PDE3A: variants seen among roughly 807,000 people sequenced by gnomAD.
PDE3A encodes the protein cGMP-inhibited 3',5'-cyclic phosphodiesterase 3A.
In PDE3A, 43 loss-of-function variants were observed where a neutral mutation model predicts 98.3. The ratio of observed to expected loss-of-function variants is 0.44; its 90% confidence interval spans 0.34 to 0.56. The LOEUF is 0.56. Ranked by LOEUF, PDE3A falls within the 20% of genes least tolerant of loss-of-function variation. PDE3A has a pLI of 0.01. For synonymous variants in PDE3A, 663 were observed against 567.9 expected (o/e 1.17, Z -2.38); for missense variants, 1,427 against 1,440.7 (o/e 0.99, Z 0.15).
At position 20,673,705 on chromosome 12, in the gene PDE3A, G is replaced by A. The variant is rs370851389; in HGVS notation, c.3185-6325G>A. On this transcript the variant is annotated intron_variant, in intron 15 of 15. Transcript: ENST00000359062. The stretch of plus-strand genomic sequence containing the variant: ...TCACACTGGGGACTGTTGTGGGGTG[G>A]GGGGAGGGGGGAGGGATAGCATTGG... Among the ~76,000 whole-genome samples the A allele has an allele frequency of 2.3e-4, 28 of 122,150 alleles. No homozygotes were observed. In the East Asian group the frequency reaches 2.8e-3, roughly 12 times the overall value. The allele number at this position is 122,150 out of a possible 152,430, so 80.1% of individuals were successfully genotyped here.
At chr12:20,444,092 T>A (rs1944913581) in intron 1 of PDE3A, among the ~76,000 whole-genome samples, 1 of 152,190 alleles carries the variant, frequency 6.6e-6, no homozygotes, top group African/African-American at 2.4e-5. Flanking sequence ...CATAGTAGTG[T>A]GGCACATGTA....
rs778795840 is a variant in PDE3A at position 20,637,084 on chromosome 12, A to G, written c.2002-16A>G. On this transcript the variant is annotated splice_polypyrimidine_tract_variant and intron_variant, in intron 8 of 15. Transcript: ENST00000359062. ...AACTGCATGCTGTTTAAGTATTTTA[A>G]TGTTAAACATTACAGGACAAACCAA... The G allele has an allele frequency of 1.3e-6, 2 of 1,554,282 alleles. No individual in the cohort carries two copies. The highest frequency in any genetic ancestry group is 1.2e-5 in the South Asian group (1 of 80,884).
chr12:20,589,868 T>TAAAA (rs11362815), intron 2 of PDE3A, among the ~76,000 whole-genome samples: 1 of 112,400 alleles, frequency 8.9e-6, no homozygotes, highest in African/African-American at 3.4e-5. Flanking sequence ...GACTGCATCT[T>TAAAA]AAAAAAAAAA....
chr12:20,549,063 C>T (rs1942131535), intron 1 of PDE3A, among the ~76,000 whole-genome samples: 1 of 151,882 alleles, frequency 6.6e-6, no homozygotes, highest in African/African-American at 2.4e-5. Context: ...GGAGTACTTA[C>T]CAGTAGCTAA....
intron 5 of PDE3A, 140 bp downstream of exon 5, chr12:20,621,551 T>C: frequency 1.7e-6 from 1 of 571,496 alleles, no homozygotes; most frequent in Admixed American, 3.3e-5. Flanking sequence ...CAATTAGTTA[T>C]TTTTTAGAAG....
intron 2 of PDE3A, among the ~76,000 whole-genome samples, chr12:20,612,235 G>A (rs942654050): frequency 8.0e-5 from 7 of 87,354 alleles, no homozygotes; most frequent in Admixed American, 4.7e-4. Context: ...TAATTATAGT[G>A]GACATAAGTG....
intron 1 of PDE3A, among the ~76,000 whole-genome samples, chr12:20,475,405 C>T (rs1360621737): frequency 6.6e-6 from 1 of 151,970 alleles, no homozygotes; most frequent in East Asian, 1.9e-4. Flanking sequence ...TTTTTACAAC[C>T]CCTTCGCCTA....
chr12:20,401,720 A>G (rs1280269827), intron 1 of PDE3A, among the ~76,000 whole-genome samples: 1 of 152,076 alleles, frequency 6.6e-6, no homozygotes, highest in African/African-American at 2.4e-5. Flanking sequence ...CGCTGTATCT[A>G]TTGCTGTCTT....
At chr12:20,452,040 A>C (rs1945074415) in intron 1 of PDE3A, among the ~76,000 whole-genome samples, 1 of 152,156 alleles carries the variant, frequency 6.6e-6, no homozygotes, top group African/African-American at 2.4e-5. Flanking sequence ...CTGCTCCGAT[A>C]GGTCTCAGCT....
intron 15 of PDE3A, among the ~76,000 whole-genome samples, chr12:20,670,888 CA>C (rs1489102582): frequency 7.5e-6 from 1 of 132,624 alleles, no homozygotes; most frequent in Admixed American, 7.5e-5. Context: ...AAAAACCCTT[CA>C]AAAAATTAAT....
intron 5 of PDE3A, among the ~76,000 whole-genome samples, chr12:20,626,848 C>T (rs1458824533): frequency 1.3e-5 from 2 of 152,154 alleles, no homozygotes; most frequent in African/African-American, 4.8e-5. Flanking sequence ...ACTATAGAAG[C>T]AGAGCTTCTC....
intron 2 of PDE3A, among the ~76,000 whole-genome samples, chr12:20,612,722 A>G (rs373834745): frequency 8.0e-6 from 1 of 125,132 alleles, no homozygotes. Context: ...TAAGTAATAA[A>G]CTATATGTAA....
At chr12:20,453,389 A>G (rs1447144116) in intron 1 of PDE3A, among the ~76,000 whole-genome samples, 1 of 151,920 alleles carries the variant, frequency 6.6e-6, no homozygotes, top group Non-Finnish European at 1.5e-5. Flanking sequence ...CATGTTGGCC[A>G]GGCTGGTCTC....
At chr12:20,615,397 T>C (rs1943979059) in intron 3 of PDE3A, among the ~76,000 whole-genome samples, 2 of 152,182 alleles carry the variant, frequency 1.3e-5, no homozygotes, top group African/African-American at 4.8e-5. Flanking sequence ...ACATTACCCA[T>C]ATCTCTGTTG....
chr12:20,389,100 T>C (rs1822755), intron 1 of PDE3A, among the ~76,000 whole-genome samples: 2 of 151,972 alleles, frequency 1.3e-5, no homozygotes, highest in Non-Finnish European at 2.9e-5. Flanking sequence ...TCACTTTTAC[T>C]CAATCATTCC....
At chr12:20,384,184 AT>A (rs3058564) in intron 1 of PDE3A, among the ~76,000 whole-genome samples, 80,780 of 137,790 alleles carry the variant, frequency 0.59, 22,773 homozygotes, top group East Asian at 0.85. Context: ...TTGGGTTGAC[AT>A]TTTTTTTTTT....
intron 1 of PDE3A, among the ~76,000 whole-genome samples, chr12:20,503,795 C>T (rs1257063424): frequency 6.6e-6 from 1 of 152,024 alleles, no homozygotes; most frequent in East Asian, 1.9e-4. Flanking sequence ...TTATAAACCA[C>T]CCTAGAATTT....
intron 1 of PDE3A, among the ~76,000 whole-genome samples, chr12:20,391,367 TC>T (rs1943910586): frequency 7.8e-6 from 1 of 127,856 alleles, no homozygotes; most frequent in African/African-American, 3.0e-5. Context: ...ATATATATTC[TC>T]ATATATATAT....
At chr12:20,607,838 A>G (rs1943749491) in intron 2 of PDE3A, among the ~76,000 whole-genome samples, 1 of 152,060 alleles carries the variant, frequency 6.6e-6, no homozygotes, top group African/African-American at 2.4e-5. Context: ...TAGTTTTAAG[A>G]CTTTTCTTTA....
Sources: allele counts gnomAD v4.1 joint callset (sites outside exome capture counted in the v4.1 genomes callset), GRCh38; gene constraint gnomAD v4.1.1; transcripts MANE v1.5; gene names NCBI Gene and HGNC (gene_info 2026-07-23, HGNC 2026-07-21).